ROBO2: variants seen among roughly 807,000 people sequenced by gnomAD.
ROBO2 encodes roundabout guidance receptor 2, also known as roundabout homolog 2.
In ROBO2, 53 loss-of-function variants were observed where a neutral mutation model predicts 160.8. The ratio of observed to expected loss-of-function variants is 0.33; its 90% CI spans 0.26 to 0.41. The LOEUF (loss-of-function observed/expected upper bound fraction) is 0.41, where lower values mean the gene tolerates loss of function less well. ROBO2 is among the 10% of genes least tolerant of loss of function. The pLI is 1.00. For missense variants in ROBO2, 1,577 were observed against 1,722.4 expected (o/e 0.92, Z 1.49); for synonymous variants, 664 against 611.7 (o/e 1.09, Z -1.26).
At chr3:77,294,742 A>T (rs2061831121) in intron 2 of ROBO2, among the ~76,000 whole-genome samples, 1 of 147,326 alleles carries the variant, frequency 6.8e-6, no homozygotes, top group Non-Finnish European at 1.5e-5. Context: ...TTAAACGGGT[A>T]AGCTGAGGCT....
At chr3:77,545,875 A>G (rs1328093753) in intron 6 of ROBO2, among the ~76,000 whole-genome samples, 1 of 152,084 alleles carries the variant, frequency 6.6e-6, no homozygotes, top group Admixed American at 6.6e-5. Context: ...CATATTTTAT[A>G]CCCTTTGGTA....
At chr3:77,389,574 A>ATTTATAT (rs2074495410) in intron 2 of ROBO2, among the ~76,000 whole-genome samples, 1 of 152,040 alleles carries the variant, frequency 6.6e-6, no homozygotes, top group African/African-American at 2.4e-5. Context: ...GGTCAACAGT[A>ATTTATAT]TTTATATTTT....
intron 1 of ROBO2, among the ~76,000 whole-genome samples, chr3:75,924,412 G>A (rs1163200730): frequency 6.6e-6 from 1 of 152,104 alleles, no homozygotes; most frequent in Non-Finnish European, 1.5e-5. Flanking sequence ...AGGGGTACAT[G>A]TGGCCCCTCA....
chr3:77,448,128 G>T (rs560967136), intron 2 of ROBO2, among the ~76,000 whole-genome samples: 1 of 152,230 alleles, frequency 6.6e-6, no homozygotes, highest in African/African-American at 2.4e-5. Flanking sequence ...GGCTGGTCTT[G>T]TGACTTGCTT....
intron 21 of ROBO2, among the ~76,000 whole-genome samples, chr3:77,608,479 A>G (rs1164713508): frequency 6.6e-6 from 1 of 152,190 alleles, no homozygotes. Flanking sequence ...GAGCCAATGC[A>G]TACTCTGTAA....
intron 2 of ROBO2, among the ~76,000 whole-genome samples, chr3:77,461,730 G>A (rs1325821318): frequency 2.1e-5 from 3 of 140,830 alleles, no homozygotes; most frequent in Non-Finnish European, 4.6e-5. Flanking sequence ...TTTTCTTGAT[G>A]TACTTTTTTT....
intron 2 of ROBO2, among the ~76,000 whole-genome samples, chr3:76,761,005 C>T (rs572172322): frequency 6.6e-6 from 1 of 151,694 alleles, no homozygotes; most frequent in East Asian, 2.0e-4. Context: ...GCACCTTCTA[C>T]ATCAGGAACA....
chr3:76,948,909 T>TATATATATATATATA (rs1553703171), intron 2 of ROBO2, among the ~76,000 whole-genome samples: 10 of 21,752 alleles, frequency 4.6e-4, no homozygotes, highest in African/African-American at 1.2e-3. Context: ...TATATATATA[T>TATATATATATATATA]TTTTTTTTTT....
At chr3:76,838,245 G>C (rs2067892440) in intron 2 of ROBO2, among the ~76,000 whole-genome samples, 1 of 152,076 alleles carries the variant, frequency 6.6e-6, no homozygotes, top group Non-Finnish European at 1.5e-5. Flanking sequence ...TGGATGGTGG[G>C]AGGAGGGAAA....
intron 2 of ROBO2, among the ~76,000 whole-genome samples, chr3:76,700,638 C>G (rs903877062): frequency 6.6e-6 from 1 of 152,138 alleles, no homozygotes; most frequent in Admixed American, 6.6e-5. Flanking sequence ...ACATTGGAAA[C>G]TGCTTCCTTT....
intron 24 of ROBO2, among the ~76,000 whole-genome samples, chr3:77,635,368 A>G (rs770805237): frequency 6.6e-6 from 1 of 152,114 alleles, no homozygotes; most frequent in Non-Finnish European, 1.5e-5. Context: ...GTGCACTTAT[A>G]TGATCAGAAC....
chr3:76,227,380 T>C (rs1398985785), intron 2 of ROBO2, among the ~76,000 whole-genome samples: 1 of 152,148 alleles, frequency 6.6e-6, no homozygotes, highest in Non-Finnish European at 1.5e-5. Context: ...TTTTTCTGAG[T>C]GGATAAAAAT....
chr3:76,937,049 T>C (rs9841520), intron 2 of ROBO2, among the ~76,000 whole-genome samples: 68,114 of 151,752 alleles, frequency 0.45, 15,587 homozygotes, highest in African/African-American at 0.54. Flanking sequence ...TTATCCTCAA[T>C]CTACTCACAT....
chr3:76,329,658 T>C (rs1474792135), intron 2 of ROBO2, among the ~76,000 whole-genome samples: 3 of 152,230 alleles, frequency 2.0e-5, no homozygotes, highest in Non-Finnish European at 4.4e-5. Context: ...ATACTTCTGC[T>C]TTGCGTTTTG....
At chr3:76,694,488 C>T (rs923168431) in intron 2 of ROBO2, among the ~76,000 whole-genome samples, 1 of 151,998 alleles carries the variant, frequency 6.6e-6, no homozygotes, top group African/African-American at 2.4e-5. Flanking sequence ...ATTTTTCTCA[C>T]CAATCAGAAA....
intron 2 of ROBO2, among the ~76,000 whole-genome samples, chr3:77,118,649 A>G (rs930453145): frequency 3.9e-5 from 6 of 152,352 alleles, no homozygotes; most frequent in Admixed American, 3.9e-4. Flanking sequence ...TAAACTATAC[A>G]TGACTTGTCA....
chr3:76,343,395 G>A (rs1337966826), intron 2 of ROBO2, among the ~76,000 whole-genome samples: 1 of 151,986 alleles, frequency 6.6e-6, no homozygotes, highest in East Asian at 1.9e-4. Flanking sequence ...TCTAATAAAT[G>A]AATGACTGGT....
At chr3:77,395,573 A>G (rs1307015476) in intron 2 of ROBO2, among the ~76,000 whole-genome samples, 1 of 152,154 alleles carries the variant, frequency 6.6e-6, no homozygotes, top group African/African-American at 2.4e-5. Flanking sequence ...GTCCAGCCTG[A>G]TATTAAGTAA....
rs568177582 is a variant in ROBO2, at chr3:76,134,697, A to C, written c.109+197095A>C. Among the ~76,000 whole-genome samples the C allele has an allele frequency of 2.9e-4, 44 of 152,240 alleles. No homozygotes were observed. The East Asian group carries it at 8.3e-3, about 29-fold the overall frequency. On this transcript the variant is annotated intron_variant, in intron 2 of 26. Coordinates refer to the ROBO2 transcript ENST00000487694. ...CAGCCTTGTGACCCCTTACGAAAGG[A>C]CCAAGCTAAGACATGTCTGGATTCC...
Sources: allele counts gnomAD v4.1 joint callset (sites outside exome capture counted in the v4.1 genomes callset), GRCh38; gene constraint gnomAD v4.1.1; transcripts MANE v1.5; gene names NCBI Gene and HGNC (gene_info 2026-07-23, HGNC 2026-07-21).